The following HPSE2 variants were observed in gnomAD, a reference collection of about 807,000 sequenced individuals.
The protein encoded by HPSE2 is inactive heparanase-2.
HPSE2 carries 38 observed loss-of-function variants against 60.5 expected under a neutral mutation model. The observed-to-expected ratio is 0.63, with a 90% CI of 0.48 to 0.82. The LOEUF (loss-of-function observed/expected upper bound fraction) is 0.82. Ranked by LOEUF, HPSE2 falls within the 40% of genes least tolerant of loss-of-function variation. HPSE2 has a pLI of 0.00. For missense variants in HPSE2, 713 were observed against 740.4 expected (o/e 0.96, Z 0.43); for synonymous variants, 295 against 293.2 (o/e 1.01, Z -0.06).
chr10:99,112,087 A>G (rs1844484669), intron 3 of HPSE2, among the ~76,000 whole-genome samples: 1 of 152,168 alleles, frequency 6.6e-6, no homozygotes, highest in Non-Finnish European at 1.5e-5. Context: ...CTCTAATTCC[A>G]AGTTTATGAA....
At chr10:98,868,515 G>C (rs1326931050) in intron 3 of HPSE2, among the ~76,000 whole-genome samples, 1 of 152,092 alleles carries the variant, frequency 6.6e-6, no homozygotes, top group Non-Finnish European at 1.5e-5. Flanking sequence ...TGGAATGCTT[G>C]TAACACAAAC....
intron 7 of HPSE2, among the ~76,000 whole-genome samples, chr10:98,629,511 T>A (rs555994812): frequency 8.5e-5 from 13 of 152,322 alleles, no homozygotes; most frequent in Admixed American, 5.9e-4. Flanking sequence ...CTTTTGTGTT[T>A]TTTGACTCTC....
intron 3 of HPSE2, among the ~76,000 whole-genome samples, chr10:99,103,204 C>T (rs966772015): frequency 2.0e-5 from 3 of 152,148 alleles, no homozygotes; most frequent in Non-Finnish European, 2.9e-5. Context: ...TCCCTGTTTG[C>T]AGATGACATG....
At chr10:98,852,075 C>T (rs894685477) in intron 3 of HPSE2, among the ~76,000 whole-genome samples, 2 of 149,570 alleles carry the variant, frequency 1.3e-5, no homozygotes, top group Admixed American at 6.7e-5. Flanking sequence ...AAAACTAATC[C>T]TCTTTACAGG....
chr10:98,563,688 T>A (rs1589426912), intron 9 of HPSE2, among the ~76,000 whole-genome samples: 1 of 152,290 alleles, frequency 6.6e-6, no homozygotes, highest in East Asian at 1.9e-4. Context: ...ATAACCACAC[T>A]TGACATTTTT....
intron 3 of HPSE2, among the ~76,000 whole-genome samples, chr10:98,852,113 ATGTGTGTGTGTGTGTG>A (rs1555017138): frequency 2.1e-4 from 19 of 91,966 alleles, no homozygotes; most frequent in Middle Eastern, 6.4e-3. Context: ...GTATATTATG[ATGTGTGTGTGTGTGTG>A]TGTGTGTGTG....
At chr10:99,273,648 A>G in the HPSE2 span, among the ~76,000 whole-genome samples, 1 of 152,248 alleles carries the variant, frequency 6.6e-6, no homozygotes, top group African/African-American at 2.4e-5. Flanking sequence ...AACAGAGGAC[A>G]TAAGTCTTCT....
chr10:99,294,659 C>T, the HPSE2 span, among the ~76,000 whole-genome samples: 5 of 151,794 alleles, frequency 3.3e-5, no homozygotes, highest in Middle Eastern at 3.4e-3. Flanking sequence ...TTTGGCCGGG[C>T]GTGATGACTC....
At chr10:99,154,567 C>T (rs1349126464) in intron 2 of HPSE2, among the ~76,000 whole-genome samples, 2 of 151,048 alleles carry the variant, frequency 1.3e-5, no homozygotes, top group African/African-American at 4.9e-5. Flanking sequence ...GATTTTGTCA[C>T]CACCAGGCCT....
chr10:98,951,945 G>C (rs1428343591), intron 3 of HPSE2, among the ~76,000 whole-genome samples: 3 of 152,144 alleles, frequency 2.0e-5, no homozygotes, highest in Non-Finnish European at 4.4e-5. Flanking sequence ...GAAAGTTTAG[G>C]AGGTAATGTG....
chr10:98,932,603 C>CT lies in HPSE2; in HGVS notation c.611-188548dup, dbSNP rs35173219. On this transcript the variant is annotated intron_variant, in intron 3 of 11. Coordinates refer to ENST00000370552, the MANE Select transcript of HPSE2 (RefSeq NM_021828.5). The stretch of plus-strand genomic sequence containing the variant: ...AGCTGTAACTCCATCTGGAGCTGGG[C>CT]TTTTTTTTTTTTTTGGCTGGTAGGC... 9.7e-3 allele frequency among the ~76,000 whole-genome samples: 1,226 copies of CT among 125,978 alleles called. 170 individuals are homozygous for CT. The highest frequency in any genetic ancestry group is 0.029 in the African/African-American group (849 of 28,840). 82.6% of individuals were successfully genotyped at this position (125,978 alleles called of 152,430 possible).
At chr10:98,575,379 G>A (rs1442821843) in intron 9 of HPSE2, among the ~76,000 whole-genome samples, 3 of 152,148 alleles carry the variant, frequency 2.0e-5, no homozygotes, top group African/African-American at 7.2e-5. Flanking sequence ...AGCCAAGTTG[G>A]AATGTCACAA....
chr10:98,680,661 T>C (rs1384567769), intron 6 of HPSE2, among the ~76,000 whole-genome samples: 1 of 152,214 alleles, frequency 6.6e-6, no homozygotes, highest in Non-Finnish European at 1.5e-5. Context: ...TGTAACTAAA[T>C]GGGAAATACA....
At chr10:98,792,201 A>C (rs1950669118) in intron 3 of HPSE2, among the ~76,000 whole-genome samples, 2 of 151,446 alleles carry the variant, frequency 1.3e-5, no homozygotes, top group South Asian at 4.1e-4. Flanking sequence ...CCACACAATC[A>C]AAAGGTTTTT....
At chr10:98,981,387 T>C (rs560877849) in intron 3 of HPSE2, among the ~76,000 whole-genome samples, 1 of 152,300 alleles carries the variant, frequency 6.6e-6, no homozygotes, top group South Asian at 2.1e-4. Context: ...AGTTTAACTC[T>C]GGCTCTACCA....
chr10:98,916,338 C>T (rs568788797), intron 3 of HPSE2, among the ~76,000 whole-genome samples: 5 of 152,338 alleles, frequency 3.3e-5, no homozygotes, highest in African/African-American at 9.6e-5. Flanking sequence ...GTTACACAGA[C>T]AATGTCTACC....
At chr10:99,291,881 A>T in the HPSE2 span, among the ~76,000 whole-genome samples, 1 of 152,184 alleles carries the variant, frequency 6.6e-6, no homozygotes, top group South Asian at 2.1e-4. Flanking sequence ...AGTGGGTTCC[A>T]AACTGTCGAG....
chr10:98,661,997 C>T lies in HPSE2; in HGVS notation c.1005-20057G>A, dbSNP rs141603794. Among the ~76,000 whole-genome samples the T allele has an allele frequency of 7.5e-4, 114 of 152,256 alleles. 1 individual carries two copies. The highest frequency in any genetic ancestry group is 2.6e-3 in the African/African-American group (109 of 41,538). ...GCAACCTCTGCCTTTTGGGTTCAAGCGATTCCCCTGCCTCAGCCTCCTGAG... is the reference window on the plus strand; with the variant it reads ...GCAACCTCTGCCTTTTGGGTTCAAGTGATTCCCCTGCCTCAGCCTCCTGAG... On this transcript the variant is annotated intron_variant, in intron 6 of 11. Coordinates refer to ENST00000370552, the MANE Select transcript of HPSE2 (RefSeq NM_021828.5).
chr10:99,277,420 C>T, the HPSE2 span, among the ~76,000 whole-genome samples: 1 of 152,210 alleles, frequency 6.6e-6, no homozygotes, highest in African/African-American at 2.4e-5. Flanking sequence ...AAGGAAAAGT[C>T]TGCCAAGTAA....
Sources: allele counts gnomAD v4.1 joint callset (sites outside exome capture counted in the v4.1 genomes callset), GRCh38; gene constraint gnomAD v4.1.1; transcripts MANE v1.5; gene names NCBI Gene and HGNC (gene_info 2026-07-23, HGNC 2026-07-21).